The following UNC79 variants were observed in gnomAD, a reference collection of about 807,000 sequenced individuals.
UNC79 encodes the protein protein unc-79 homolog.
In UNC79, 37 loss-of-function variants were observed where a neutral mutation model predicts 283.1. That is an observed-to-expected ratio of 0.13 (90% CI 0.10 to 0.17). UNC79 has a LOEUF of 0.17. Ranked by LOEUF, UNC79 falls within the 10% of genes least tolerant of loss-of-function variation. The pLI, the probability that UNC79 is intolerant of heterozygous loss-of-function variation, is 1.00. For synonymous variants in UNC79, 1,107 were observed against 1,200.2 expected, an observed-to-expected ratio of 0.92 and a Z score of 1.61; for missense variants, 2,272 against 3,211.1, an observed-to-expected ratio of 0.71 and a Z score of 7.07.
At chr14:93,603,152 T>C (rs751456127) in intron 25 of UNC79, 87 bp from the exon 26 acceptor site, 755 of 1,453,062 alleles carry the variant, frequency 5.2e-4, no homozygotes, top group Non-Finnish European at 6.6e-4. Context: ...ATATTGAAAC[T>C]CTACACAGAT....
At chr14:93,348,035 C>CTTGTTG (rs1432209183) in intron 1 of UNC79, 1 of 1,605,848 alleles carries the variant, frequency 6.2e-7, no homozygotes, top group East Asian at 2.2e-5. Context: ...CAGGAAATGG[C>CTTGTTG]TGTTGGACTT....
intron 39 of UNC79, among the ~76,000 whole-genome samples, chr14:93,662,090 A>T (rs943883298): frequency 6.6e-6 from 1 of 152,206 alleles, no homozygotes; most frequent in African/African-American, 2.4e-5. Context: ...AGGGGGAGAA[A>T]CCAAAACAGA....
chr14:93,495,246 G>C (rs552528053), intron 5 of UNC79, among the ~76,000 whole-genome samples: 5 of 152,164 alleles, frequency 3.3e-5, no homozygotes, highest in Non-Finnish European at 7.3e-5. Flanking sequence ...TCCCAGTTCC[G>C]CATGGCTGGG....
In UNC79 at chr14:93,342,742, A is replaced by G. The variant is rs143820817; in HGVS notation, c.-351+9219A>G. ...TGACTGTATGCTTTCAGAAAAAGCT[A>G]GGTCACATCTTGAATGCTTTGCTGC... On this transcript the variant is annotated intron_variant, in intron 1 of 49. Transcript: ENST00000256339. Among the ~76,000 whole-genome samples, 149 of 152,378 alleles carry G rather than the reference A, an allele frequency of 9.8e-4. 1 individual carries two copies. The East Asian group carries it at 0.025, about 25-fold the overall frequency.
intron 22 of UNC79, among the ~76,000 whole-genome samples, chr14:93,589,853 A>G (rs1411760665): frequency 6.6e-6 from 1 of 152,184 alleles, no homozygotes. Flanking sequence ...ACTTAAGGCC[A>G]GGAGTTTTAG....
At chr14:93,495,421 A>G (rs1012584916) in intron 5 of UNC79, among the ~76,000 whole-genome samples, 4 of 152,204 alleles carry the variant, frequency 2.6e-5, no homozygotes, top group African/African-American at 9.6e-5. Context: ...TGCCCCCACG[A>G]TCCAATCACT....
At chr14:93,630,439 G>T (rs2067933688) in intron 30 of UNC79, among the ~76,000 whole-genome samples, 1 of 152,232 alleles carries the variant, frequency 6.6e-6, no homozygotes, top group Non-Finnish European at 1.5e-5. Context: ...GGAGTACCTA[G>T]ACAGGAGATA....
intron 1 of UNC79, among the ~76,000 whole-genome samples, chr14:93,451,058 A>G (rs2056624018): frequency 6.6e-6 from 1 of 151,612 alleles, no homozygotes; most frequent in South Asian, 2.1e-4. Flanking sequence ...TGTTTTTCTA[A>G]CAGCACAACA....
chr14:93,527,027 T>A (rs2060579075), intron 8 of UNC79, among the ~76,000 whole-genome samples: 1 of 152,330 alleles, frequency 6.6e-6, no homozygotes, highest in African/African-American at 2.4e-5. Context: ...CCATTTTTGT[T>A]TTAATAGGCT....
intron 1 of UNC79, among the ~76,000 whole-genome samples, chr14:93,463,691 C>T (rs1323808150): frequency 6.6e-6 from 1 of 152,062 alleles, no homozygotes. Flanking sequence ...AAAGTATCCA[C>T]TCGCACCATA....
chr14:93,523,957 C>A (rs376898822), intron 7 of UNC79, 21 bp from the exon 8 acceptor site: 1 of 1,612,400 alleles, frequency 6.2e-7, no homozygotes, highest in African/African-American at 1.3e-5. Flanking sequence ...AAGTATTCAT[C>A]AGCTGTGCTT....
chr14:93,669,946 T>G (rs1329591386), intron 40 of UNC79, among the ~76,000 whole-genome samples: 1 of 152,048 alleles, frequency 6.6e-6, no homozygotes, highest in Non-Finnish European at 1.5e-5. Flanking sequence ...CAAGACACAA[T>G]GAGTGAAAAT....
chr14:93,498,776 G>GTA (rs1056874097), intron 7 of UNC79, among the ~76,000 whole-genome samples: 2 of 152,064 alleles, frequency 1.3e-5, no homozygotes, highest in African/African-American at 4.8e-5. Flanking sequence ...GGTTGTTTAT[G>GTA]TATATATATT....
At chr14:93,696,982 G>A (rs28783139) in intron 47 of UNC79, among the ~76,000 whole-genome samples, 14,438 of 151,636 alleles carry the variant, frequency 0.095, 913 homozygotes, top group African/African-American at 0.17. Flanking sequence ...TACCTTTTTT[G>A]TATATGGATA....
At chr14:93,602,763 C>G (rs535871478) in intron 25 of UNC79, among the ~76,000 whole-genome samples, 1 of 152,132 alleles carries the variant, frequency 6.6e-6, no homozygotes, top group Non-Finnish European at 1.5e-5. Context: ...AGCTAATCTT[C>G]CTGAGTAGCT....
intron 35 of UNC79, among the ~76,000 whole-genome samples, chr14:93,647,388 T>C (rs1251627363): frequency 3.3e-5 from 5 of 152,166 alleles, no homozygotes; most frequent in East Asian, 1.9e-4. Flanking sequence ...GTCTGGGAGA[T>C]AGAGAGTGCC....
intron 1 of UNC79, among the ~76,000 whole-genome samples, chr14:93,355,262 C>T (rs1364053894): frequency 5.9e-5 from 9 of 151,970 alleles, no homozygotes; most frequent in Non-Finnish European, 7.4e-5. Context: ...GGCACGTTCT[C>T]AGCTCACTCA....
At chr14:93,356,174 C>T (rs575708497) in intron 1 of UNC79, among the ~76,000 whole-genome samples, 4 of 151,998 alleles carry the variant, frequency 2.6e-5, no homozygotes, top group Non-Finnish European at 4.4e-5. Flanking sequence ...ATTACAGGCA[C>T]CTGCCACCAC....
intron 14 of UNC79, among the ~76,000 whole-genome samples, chr14:93,542,937 T>G (rs1206194748): frequency 2.0e-5 from 3 of 148,916 alleles, no homozygotes; most frequent in Non-Finnish European, 4.4e-5. Flanking sequence ...TAAGGGACCA[T>G]TCTTTCTCGA....
Sources: gnomAD v4.1 joint callset for allele counts (sites outside exome capture counted in the v4.1 genomes callset) on GRCh38, gnomAD v4.1.1 for gene constraint, MANE v1.5 for transcripts, NCBI Gene and HGNC (gene_info 2026-07-23, HGNC 2026-07-21) for gene names.